Variants in CRKL observed in about 807,000 individuals in gnomAD.
The protein encoded by CRKL is CRK like proto-oncogene, adaptor protein, also known as crk-like protein.
Under a neutral mutation model 23.0 loss-of-function variants are expected in CRKL, and 3 were observed. The observed-to-expected ratio is 0.13, with a 90% CI of 0.06 to 0.34. The LOEUF is 0.34. CRKL is among the 10% of genes least tolerant of loss of function. CRKL has a pLI of 1.00. For synonymous variants in CRKL, 188 were observed against 160.7 expected (o/e 1.17, Z -1.28); for missense variants, 256 against 394.5 (o/e 0.65, Z 2.97).
At position 20,953,424 on chromosome 22, in the gene CRKL, AAAC is replaced by A. The variant is rs55778752; in HGVS notation, c.*3605_*3607del. The A allele has an allele frequency of 0.64, 145,643 of 227,652 alleles. 48,571 individuals carry two copies. Among genetic ancestry groups the A allele is most frequent in the East Asian group, 0.83 (13,070 of 15,744 alleles). The allele number at this position is 227,652 out of a possible 1,614,324, so 14.1% of individuals were successfully genotyped here. ...TAGACGGTCTTCACTGTGTGTTTTA[AAAC>A]AACAACAACAACAACAACAACAACA... On this transcript the variant is annotated 3_prime_UTR_variant, in exon 3 of 3. Coordinates refer to ENST00000354336, the MANE Select transcript of CRKL (RefSeq NM_005207.4).
chr22:20,942,643 C>T (rs893410713), intron 2 of CRKL, among the ~76,000 whole-genome samples: 2 of 150,714 alleles, frequency 1.3e-5, no homozygotes, highest in African/African-American at 2.4e-5. Flanking sequence ...TTTTTTGAAA[C>T]GGAGTTTTGC....
At chr22:20,931,822 A>AT (rs983419208) in intron 1 of CRKL, among the ~76,000 whole-genome samples, 2 of 151,320 alleles carry the variant, frequency 1.3e-5, no homozygotes, top group African/African-American at 4.9e-5. Flanking sequence ...ATTTTATTTT[A>AT]TTTTTTTGAG....
chr22:20,936,571 G>A (rs571560718), intron 2 of CRKL, among the ~76,000 whole-genome samples: 1 of 152,112 alleles, frequency 6.6e-6, no homozygotes, highest in African/African-American at 2.4e-5. Flanking sequence ...GGCTGGTCTC[G>A]AACTGCTGAC....
chr22:20,949,851 G>T lies in CRKL; in HGVS notation c.*6G>T. On this transcript the variant is annotated 3_prime_UTR_variant, in exon 3 of 3. Transcript: ENST00000354336. ...ACCCAGATGAAAACGAGTGATTGCT[G>T]TTGCCCTGTTTCCTGCTGCTTTGTT... 2 of 1,602,868 alleles carry T rather than the reference G, an allele frequency of 1.2e-6. No individual in the cohort carries two copies. Among genetic ancestry groups the T allele is most frequent in the Non-Finnish European group, 1.7e-6 (2 of 1,175,600 alleles).
At position 20,917,949 on chromosome 22, in the gene CRKL, G is replaced by T. The variant is rs778958922; in HGVS notation, c.15G>T (p.Arg5Ser). The T allele has an allele frequency of 6.2e-7, 1 of 1,613,830 alleles. No homozygotes were observed. Among genetic ancestry groups the T allele is most frequent in the Non-Finnish European group, 8.5e-7 (1 of 1,179,970 alleles). MSSA[R>S]FDSSDRSAWY... ...GGTCCAACACCATGTCCTCCGCCAG[G>T]TTCGACTCCTCGGACCGCTCCGCCT... The change falls in exon 1 of 3, where the codon AGG becomes AGT. Residue 5 changes from arginine to serine, a missense_variant. Arg to Ser is a moderately radical substitution (Grantham distance 110, BLOSUM62 -1). Around this residue, in one of 3 missense-constraint regions of CRKL, gnomAD observed 85 missense variants for 139.8 expected, o/e 0.61. Coordinates refer to ENST00000354336, the MANE Select transcript of CRKL (RefSeq NM_005207.4).
At chr22:20,929,754 C>G (rs1338854854) in intron 1 of CRKL, among the ~76,000 whole-genome samples, 1 of 152,150 alleles carries the variant, frequency 6.6e-6, no homozygotes, top group African/African-American at 2.4e-5. Context: ...AGCCACTGCG[C>G]CTGGGCAACA....
intron 1 of CRKL, among the ~76,000 whole-genome samples, chr22:20,930,690 T>C (rs1921415707): frequency 7.5e-6 from 1 of 134,000 alleles, no homozygotes; most frequent in African/African-American, 2.8e-5. Context: ...CTTTTTTTTT[T>C]TTTTTTTTTT....
At chr22:20,921,002 T>C (rs1056232298) in intron 1 of CRKL, among the ~76,000 whole-genome samples, 12 of 152,242 alleles carry the variant, frequency 7.9e-5, no homozygotes, top group Admixed American at 3.9e-4. Flanking sequence ...GAGTTTACTT[T>C]GTTATACTGA....
intron 2 of CRKL, among the ~76,000 whole-genome samples, chr22:20,947,185 G>A (rs1006680608): frequency 1.3e-5 from 2 of 151,562 alleles, no homozygotes; most frequent in African/African-American, 4.9e-5. Context: ...CTGCAGCATT[G>A]AGTTAATAGT....
chr22:20,924,567 G>C (rs1395974115), intron 1 of CRKL, among the ~76,000 whole-genome samples: 1 of 152,036 alleles, frequency 6.6e-6, no homozygotes. Context: ...AAAAATACAA[G>C]AACATGGCCA....
chr22:20,922,048 CTG>C (rs1380297026), intron 1 of CRKL, among the ~76,000 whole-genome samples: 4 of 115,910 alleles, frequency 3.5e-5, no homozygotes, highest in African/African-American at 1.3e-4. Context: ...ACGTCTCACT[CTG>C]TGGCCAGGCT....
rs930826578 is a variant in CRKL, at chr22:20,917,441, C to T, written c.-494C>T. 4.4e-6 allele frequency: 1 copy of T among 227,720 alleles called. No individual in the cohort carries two copies. Among genetic ancestry groups the T allele is most frequent in the East Asian group, 6.2e-5 (1 of 16,180 alleles). 14.1% of individuals were successfully genotyped at this position (227,720 alleles called of 1,614,324 possible). A position where few individuals can be genotyped will look rare whatever the true frequency, so the allele number is the denominator to read the frequency against. On this transcript the variant is annotated 5_prime_UTR_variant, in exon 1 of 3. Transcript: ENST00000354336. ...GCGCGCTGAGCGGAGGGGGAGGTGG[C>T]TGCCGCTTCTCCCGCGTCCGCCATT...
In CRKL at chr22:20,950,570, G is replaced by A. The variant is rs1021402735; in HGVS notation, c.*725G>A. 16 of 220,528 alleles carry A rather than the reference G, an allele frequency of 7.3e-5. No homozygotes were observed. Among genetic ancestry groups the A allele is most frequent in the Middle Eastern group, 2.8e-3 (2 of 710 alleles). The allele number at this position is 220,528 out of a possible 1,614,324, so 13.7% of individuals were successfully genotyped here. ...CTGGGACTGCAGGCGCGCACACCAC[G>A]CCCAGCTAATTTTTGTATTTTTAGT... On this transcript the variant is annotated 3_prime_UTR_variant, in exon 3 of 3. Coordinates refer to ENST00000354336, the MANE Select transcript of CRKL (RefSeq NM_005207.4).
chr22:20,945,423 CTT>C (rs1274251726), intron 2 of CRKL, among the ~76,000 whole-genome samples: 1 of 152,100 alleles, frequency 6.6e-6, no homozygotes, highest in Non-Finnish European at 1.5e-5. Context: ...TTGACTTCCT[CTT>C]TTCCAAAAGC....
chr22:20,932,118 A>G (rs773847486), intron 1 of CRKL, among the ~76,000 whole-genome samples: 3 of 147,122 alleles, frequency 2.0e-5, no homozygotes, highest in Non-Finnish European at 4.5e-5. Flanking sequence ...CCTCTTATTT[A>G]TTTATGTTTT....
chr22:20,944,139 C>CTGTTTTTTT (rs1921971643), intron 2 of CRKL, among the ~76,000 whole-genome samples: 1 of 105,858 alleles, frequency 9.4e-6, no homozygotes, highest in Non-Finnish European at 1.8e-5. Context: ...GTAGTATTAG[C>CTGTTTTTTT]TTTTTTTTTT....
At chr22:20,934,805 ATTTT>A (rs67055933) in intron 2 of CRKL, among the ~76,000 whole-genome samples, 1 of 98,524 alleles carries the variant, frequency 1.0e-5, no homozygotes, top group Non-Finnish European at 1.9e-5. Flanking sequence ...AGAGGAATGA[ATTTT>A]TTTTTTTTTT....
chr22:20,937,902 C>T (rs2147909111), intron 2 of CRKL, among the ~76,000 whole-genome samples: 1 of 151,460 alleles, frequency 6.6e-6, no homozygotes, highest in South Asian at 2.1e-4. Context: ...GAGACTGAGT[C>T]TCTGTCACTC....
At chr22:20,949,621 C>T (rs925580676) in intron 2 of CRKL, 90 bp from the exon 3 acceptor site, 1 of 1,526,716 alleles carries the variant, frequency 6.6e-7, no homozygotes, top group African/African-American at 1.4e-5. Context: ...ATGTATGGGC[C>T]CTTTGGATAA....
Sources: gnomAD v4.1 joint callset for allele counts (sites outside exome capture counted in the v4.1 genomes callset) on GRCh38, gnomAD v4.1.1 for gene constraint, gnomAD v4.1.1 regional missense constraint, MANE v1.5 for transcripts, NCBI Gene and HGNC (gene_info 2026-07-23, HGNC 2026-07-21) for gene names.